Variants in ADAMTSL3 observed in about 807,000 individuals in gnomAD.
ADAMTSL3 encodes ADAMTS-like protein 3.
ADAMTSL3 carries 128 observed loss-of-function variants against 201.7 expected under a neutral mutation model. The observed-to-expected ratio is 0.63, with a 90% CI of 0.55 to 0.73. ADAMTSL3 has a LOEUF of 0.73. Among genes scored for constraint, ADAMTSL3 ranks in the 30% least tolerant of loss-of-function variants. The pLI, the probability that ADAMTSL3 is intolerant of heterozygous loss-of-function variation, is 0.00. For synonymous variants in ADAMTSL3, 738 were observed against 748.4 expected, an observed-to-expected ratio of 0.99 and a Z score of 0.23; for missense variants, 1,990 against 2,119.6, an observed-to-expected ratio of 0.94 and a Z score of 1.20.
chr15:84,027,866 G>T (rs2068339189), intron 27 of ADAMTSL3, among the ~76,000 whole-genome samples: 1 of 152,128 alleles, frequency 6.6e-6, no homozygotes, highest in Admixed American at 6.6e-5. Flanking sequence ...AACAATTGGT[G>T]AGTAGATGAG....
chr15:83,891,018 T>C (rs1473545586), intron 11 of ADAMTSL3: 1 of 194,286 alleles, frequency 5.1e-6, no homozygotes, highest in Non-Finnish European at 1.1e-5. Flanking sequence ...ATCACTAATA[T>C]ATTAAGAGAG....
intron 13 of ADAMTSL3, among the ~76,000 whole-genome samples, chr15:83,896,481 T>C (rs1194211077): frequency 1.3e-5 from 2 of 152,220 alleles, no homozygotes; most frequent in Admixed American, 1.3e-4. Context: ...GACTTGATAA[T>C]ATTTAATAAT....
chr15:84,017,765 C>T (rs1313991044), intron 25 of ADAMTSL3, among the ~76,000 whole-genome samples: 2 of 152,180 alleles, frequency 1.3e-5, no homozygotes, highest in Non-Finnish European at 2.9e-5. Context: ...ATTGGACATT[C>T]AACAAATATT....
At chr15:83,928,790 T>A (rs2066295051) in intron 17 of ADAMTSL3, among the ~76,000 whole-genome samples, 1 of 152,236 alleles carries the variant, frequency 6.6e-6, no homozygotes. Context: ...TTTTATAATT[T>A]TTAATTTAAA....
At chr15:83,679,954 A>G (rs1055944468) in intron 2 of ADAMTSL3, among the ~76,000 whole-genome samples, 6 of 152,152 alleles carry the variant, frequency 3.9e-5, no homozygotes, top group African/African-American at 1.4e-4. Context: ...ACACCATGCC[A>G]CCATTGGTGG....
At chr15:83,920,376 G>GC (rs1212868897) in intron 16 of ADAMTSL3, among the ~76,000 whole-genome samples, 1 of 152,110 alleles carries the variant, frequency 6.6e-6, no homozygotes, top group Non-Finnish European at 1.5e-5. Flanking sequence ...CCTTCCTAAG[G>GC]CCAAATGGCT....
chr15:83,686,575 G>A (rs1376081934), intron 2 of ADAMTSL3, among the ~76,000 whole-genome samples: 1 of 152,140 alleles, frequency 6.6e-6, no homozygotes, highest in Non-Finnish European at 1.5e-5. Flanking sequence ...TTTCACAGTG[G>A]TTTGAGGTTG....
chr15:83,827,603 T>A (rs1016908032), intron 6 of ADAMTSL3, among the ~76,000 whole-genome samples: 1 of 152,204 alleles, frequency 6.6e-6, no homozygotes, highest in East Asian at 1.9e-4. Flanking sequence ...ATGTCCTGAA[T>A]GGTATTGCCT....
At chr15:83,946,632 A>G (rs1464059295) in intron 19 of ADAMTSL3, among the ~76,000 whole-genome samples, 1 of 152,228 alleles carries the variant, frequency 6.6e-6, no homozygotes, top group Non-Finnish European at 1.5e-5. Context: ...AAAGTCAGAG[A>G]AAATCCAAAG....
intron 3 of ADAMTSL3, among the ~76,000 whole-genome samples, chr15:83,768,118 C>G (rs1302044136): frequency 6.6e-6 from 1 of 152,140 alleles, no homozygotes; most frequent in African/African-American, 2.4e-5. Flanking sequence ...AGCTGGTTCT[C>G]CCATCATTGT....
intron 15 of ADAMTSL3, among the ~76,000 whole-genome samples, chr15:83,903,869 G>T (rs78500876): frequency 0.37 from 31,782 of 86,680 alleles, 8,275 homozygotes; most frequent in East Asian, 0.67. Context: ...AGTGAGCTGA[G>T]ATCCTGCTAC....
intron 15 of ADAMTSL3, 26 bp downstream of exon 15, chr15:83,899,757 TAATCA>T (rs775893623): frequency 2.5e-6 from 4 of 1,602,700 alleles, no homozygotes; most frequent in Non-Finnish European, 3.4e-6. Flanking sequence ...TTTGTAGGAA[TAATCA>T]GGGCATAGCC....
intron 3 of ADAMTSL3, among the ~76,000 whole-genome samples, chr15:83,727,972 C>G (rs1014720834): frequency 2.4e-4 from 36 of 151,932 alleles, no homozygotes; most frequent in African/African-American, 7.7e-4. Flanking sequence ...GCTGAAGTCT[C>G]CAGCTATTAT....
At position 83,778,023 on chromosome 15, in the gene ADAMTSL3, A is replaced by C. The variant is rs143325338; in HGVS notation, c.317+4373A>C. Among the ~76,000 whole-genome samples the C allele has an allele frequency of 8.6e-3, 1,314 of 152,318 alleles. 21 individuals are homozygous for C. The highest frequency in any genetic ancestry group is 0.03 in the African/African-American group (1,248 of 41,566). ...GACCAAGTGGAGGAAAGAATCTAAG[A>C]GCTTGAAGACTGGCTTTCTGAAATA... On this transcript the variant is annotated intron_variant, in intron 4 of 29. Transcript: ENST00000286744.
At chr15:83,705,588 G>C (rs2061838815) in intron 3 of ADAMTSL3, among the ~76,000 whole-genome samples, 1 of 152,222 alleles carries the variant, frequency 6.6e-6, no homozygotes, top group South Asian at 2.1e-4. Context: ...GAGGTGGGCT[G>C]GGAGAAGGAT....
At chr15:83,754,703 T>C (rs573980833) in intron 3 of ADAMTSL3, among the ~76,000 whole-genome samples, 5 of 152,264 alleles carry the variant, frequency 3.3e-5, no homozygotes, top group African/African-American at 1.2e-4. Flanking sequence ...TGCCATTACA[T>C]GATGCATGCC....
At chr15:83,972,542 G>A (rs1248040768) in intron 20 of ADAMTSL3, among the ~76,000 whole-genome samples, 4 of 152,108 alleles carry the variant, frequency 2.6e-5, no homozygotes, top group Admixed American at 6.5e-5. Context: ...GAAATACAAC[G>A]TGGTTATTAT....
chr15:83,914,214 A>G (rs1168638733), intron 16 of ADAMTSL3, among the ~76,000 whole-genome samples: 1 of 152,116 alleles, frequency 6.6e-6, no homozygotes, highest in African/African-American at 2.4e-5. Context: ...GATCCAGCCA[A>G]TGGTGGGAAA....
At chr15:83,947,935 C>T (rs2066684831) in intron 19 of ADAMTSL3, among the ~76,000 whole-genome samples, 1 of 152,174 alleles carries the variant, frequency 6.6e-6, no homozygotes, top group Non-Finnish European at 1.5e-5. Context: ...AACCAGTTCT[C>T]CCCACTTCCT....
Sources: gnomAD v4.1 joint callset for allele counts (sites outside exome capture counted in the v4.1 genomes callset) on GRCh38, gnomAD v4.1.1 for gene constraint, MANE v1.5 for transcripts, NCBI Gene and HGNC (gene_info 2026-07-23, HGNC 2026-07-21) for gene names.